The following ARHGAP22 variants were observed in gnomAD, a reference collection of about 807,000 sequenced individuals.
The protein encoded by ARHGAP22 is rho GTPase-activating protein 22.
A neutral mutation model predicts 59.1 loss-of-function variants in ARHGAP22; 48 were observed. The observed-to-expected ratio is 0.81, with a 90% CI of 0.64 to 1.03. The LOEUF is 1.03. ARHGAP22 is among the 50% of genes least tolerant of loss of function. ARHGAP22 has a pLI of 0.00. For synonymous variants in ARHGAP22, 445 were observed against 416.4 expected, an observed-to-expected ratio of 1.07 and a Z score of -0.84; for missense variants, 1,015 against 958.7, an observed-to-expected ratio of 1.06 and a Z score of -0.78.
At position 48,450,532 on chromosome 10, in the gene ARHGAP22, G is replaced by C. The variant is rs1425429195; in HGVS notation, c.1597C>G (p.Arg533Gly). The stretch of plus-strand genomic sequence containing the variant: ...CTGCGGGCAGACGAGTCGCTGGCGC[G>C]GCAGGCCGTGCAGCTGCTGAGTGAG... ...GGSLSSCTACRASDSSARSSL... is the reference protein window; with the variant it reads ...GGSLSSCTACGASDSSARSSL... The change falls in exon 9 of 10, where the codon CGC becomes GGC. Residue 533 changes from arginine to glycine, a missense_variant. Coordinates refer to ENST00000249601, the MANE Select transcript of ARHGAP22 (RefSeq NM_021226.4). 1 of 1,518,278 alleles carries C rather than the reference G, an allele frequency of 6.6e-7. No individual in the cohort carries two copies. The allele number at this position is 1,518,278 out of a possible 1,614,324, so 94.1% of individuals were successfully genotyped here.
intron 3 of ARHGAP22, among the ~76,000 whole-genome samples, chr10:48,523,345 G>C (rs1018262967): frequency 1.3e-5 from 2 of 152,212 alleles, no homozygotes; most frequent in African/African-American, 4.8e-5. Flanking sequence ...GCAGTAAAGG[G>C]ATGCACCACT....
chr10:48,647,341 C>T (rs974200953), intron 1 of ARHGAP22, among the ~76,000 whole-genome samples: 3 of 151,942 alleles, frequency 2.0e-5, no homozygotes, highest in African/African-American at 4.8e-5. Context: ...TGCAATGAGC[C>T]GAGATCACGC....
upstream of ARHGAP22, among the ~76,000 whole-genome samples, chr10:48,609,481 C>T (rs539313970): frequency 1.3e-5 from 2 of 152,194 alleles, no homozygotes; most frequent in African/African-American, 2.4e-5. Context: ...TCCCTGCAGT[C>T]TGGGGCTCTG....
intron 1 of ARHGAP22, among the ~76,000 whole-genome samples, chr10:48,601,399 C>T (rs958237671): frequency 1.3e-5 from 2 of 152,220 alleles, no homozygotes; most frequent in African/African-American, 4.8e-5. Context: ...TGTCCTATCC[C>T]TTTACTTCCA....
intron 3 of ARHGAP22, among the ~76,000 whole-genome samples, chr10:48,487,363 G>C (rs2049961083): frequency 6.6e-6 from 1 of 152,198 alleles, no homozygotes; most frequent in African/African-American, 2.4e-5. Flanking sequence ...TAAGGTTGCA[G>C]ATGGAATTAA....
At chr10:48,561,517 C>T (rs1006511853) in intron 2 of ARHGAP22, among the ~76,000 whole-genome samples, 1 of 152,032 alleles carries the variant, frequency 6.6e-6, no homozygotes, top group East Asian at 1.9e-4. Flanking sequence ...ATTAAAAAAA[C>T]TGCTTTTCAA....
intron 1 of ARHGAP22, among the ~76,000 whole-genome samples, chr10:48,600,245 C>T (rs760941651): frequency 6.6e-6 from 1 of 152,098 alleles, no homozygotes; most frequent in South Asian, 2.1e-4. Flanking sequence ...TGTTTGTGGC[C>T]TTTAATGTAT....
chr10:48,493,340 C>G (rs1478775923), intron 3 of ARHGAP22: 2 of 1,239,276 alleles, frequency 1.6e-6, no homozygotes, highest in Middle Eastern at 1.9e-4. Flanking sequence ...TACCTGGTTG[C>G]GGCCACCAAA....
At chr10:48,652,602 A>G (rs1038507614) in exon 1 of ARHGAP22, 3 of 370,186 alleles carry the variant, frequency 8.1e-6, no homozygotes, top group Non-Finnish European at 1.5e-5. Flanking sequence ...TTCACAGAAC[A>G]AAGAATTGAG....
chr10:48,623,362 G>A (rs567389153), intron 1 of ARHGAP22, among the ~76,000 whole-genome samples: 67 of 152,338 alleles, frequency 4.4e-4, no homozygotes, highest in African/African-American at 1.5e-3. Flanking sequence ...CTAGCTCTGT[G>A]TATTTTAGCT....
At chr10:48,611,854 T>TTCCCTTCCCTTCCCGTCCCC (rs1554952918) in intron 1 of ARHGAP22, among the ~76,000 whole-genome samples, 1 of 14,320 alleles carries the variant, frequency 7.0e-5, no homozygotes. Context: ...TTCCCTTCCC[T>TTCCCTTCCCTTCCCGTCCCC]TCCCCTCCCC....
chr10:48,464,458 C>T (rs1475978067), intron 4 of ARHGAP22, among the ~76,000 whole-genome samples: 4 of 152,198 alleles, frequency 2.6e-5, no homozygotes, highest in Non-Finnish European at 5.9e-5. Context: ...AGAACAGGTT[C>T]AGGGAGGAGG....
chr10:48,492,117 A>G (rs1286410007), intron 3 of ARHGAP22, among the ~76,000 whole-genome samples: 1 of 152,230 alleles, frequency 6.6e-6, no homozygotes. Context: ...CATAAGAAAA[A>G]GAAAAAAGGG....
intron 2 of ARHGAP22, among the ~76,000 whole-genome samples, chr10:48,569,711 C>T (rs1477760345): frequency 1.3e-5 from 2 of 152,214 alleles, no homozygotes; most frequent in African/African-American, 4.8e-5. Flanking sequence ...CTGAGAGAAG[C>T]TCATTACTAC....
chr10:48,566,456 G>T (rs2058052840), intron 2 of ARHGAP22, among the ~76,000 whole-genome samples: 1 of 152,156 alleles, frequency 6.6e-6, no homozygotes, highest in African/African-American at 2.4e-5. Flanking sequence ...GATTTAAAAA[G>T]GCATTGTGAA....
chr10:48,654,939 CTCTT>C (rs944062990), upstream of ARHGAP22, among the ~76,000 whole-genome samples: 10 of 106,510 alleles, frequency 9.4e-5, no homozygotes, highest in South Asian at 6.7e-4. Context: ...GTTTCTCTCT[CTCTT>C]TCTTTCTCTC....
At position 48,521,274 on chromosome 10, in the gene ARHGAP22, T is replaced by C. The variant is rs116206886; in HGVS notation, c.322+34189A>G. Among the ~76,000 whole-genome samples the C allele has an allele frequency of 7.4e-3, 1,130 of 152,270 alleles. 20 individuals are homozygous for C. Among genetic ancestry groups the C allele is most frequent in the African/African-American group, 0.025 (1,051 of 41,554 alleles). The stretch of plus-strand genomic sequence containing the variant: ...CCCGAAAAAGGCACGCAACAATCCC[T>C]TCCCGGACCCACTGTGCCCACCTAC... On this transcript the variant is annotated intron_variant, in intron 3 of 9. Transcript: ENST00000249601.
chr10:48,605,478 G>A (rs2060636803), upstream of ARHGAP22, among the ~76,000 whole-genome samples: 1 of 151,912 alleles, frequency 6.6e-6, no homozygotes, highest in African/African-American at 2.4e-5. Context: ...ATGCCTGTTA[G>A]GGATACTATT....
At chr10:48,509,043 C>T (rs2052468936) in intron 3 of ARHGAP22, among the ~76,000 whole-genome samples, 1 of 152,208 alleles carries the variant, frequency 6.6e-6, no homozygotes, top group South Asian at 2.1e-4. Context: ...AAACTGAATG[C>T]TAAAGGCTTT....
Sources: gnomAD v4.1 joint callset for allele counts (sites outside exome capture counted in the v4.1 genomes callset) on GRCh38, gnomAD v4.1.1 for gene constraint, MANE v1.5 for transcripts, NCBI Gene and HGNC (gene_info 2026-07-23, HGNC 2026-07-21) for gene names.